Variants in ACYP2 observed in about 807,000 individuals in gnomAD.
ACYP2 encodes acylphosphatase-2.
ACYP2 carries 12 observed loss-of-function variants against 11.2 expected under a neutral mutation model. The ratio of observed to expected loss-of-function variants is 1.08; its 90% CI spans 0.69 to 1.74. The LOEUF (loss-of-function observed/expected upper bound fraction) is 1.74, where lower values mean the gene tolerates loss of function less well. Among genes scored for constraint, ACYP2 ranks in the 40% most tolerant of loss-of-function variants. The probability of loss-of-function intolerance (pLI) is 0.00; values close to 1 mark genes in which losing one functional copy is unlikely to be tolerated. For missense variants in ACYP2, 134 were observed against 101.9 expected (o/e 1.31, Z -1.35); for synonymous variants, 43 against 32.2 (o/e 1.33, Z -1.13).
chr2:54,194,930 G>A (rs1282815035), intron 6 of ACYP2, among the ~76,000 whole-genome samples: 1 of 152,136 alleles, frequency 6.6e-6, no homozygotes, highest in East Asian at 1.9e-4. Context: ...AGCTATTTTA[G>A]GATGTTGTGT....
intron 4 of ACYP2, among the ~76,000 whole-genome samples, chr2:54,088,774 G>C (rs970071986): frequency 1.3e-5 from 2 of 152,226 alleles, no homozygotes; most frequent in African/African-American, 4.8e-5. Flanking sequence ...TATGGAGTCT[G>C]CCAGAGTTTT....
At chr2:54,080,622 G>T (rs1677595653) in intron 4 of ACYP2, among the ~76,000 whole-genome samples, 1 of 152,044 alleles carries the variant, frequency 6.6e-6, no homozygotes, top group African/African-American at 2.4e-5. Flanking sequence ...CTGAGTAGCT[G>T]GGATTACAGG....
chr2:54,019,680 C>T (rs1177745439), intron 2 of ACYP2, among the ~76,000 whole-genome samples: 1 of 151,770 alleles, frequency 6.6e-6, no homozygotes, highest in Non-Finnish European at 1.5e-5. Flanking sequence ...AGTGCAGTGG[C>T]GTGATCTCAG....
chr2:54,242,938 C>T (rs1407246098), intron 6 of ACYP2, among the ~76,000 whole-genome samples: 1 of 152,156 alleles, frequency 6.6e-6, no homozygotes, highest in Non-Finnish European at 1.5e-5. Context: ...AAGTTAGCAC[C>T]CTTTAGCAAA....
chr2:54,143,725 C>T (rs369965887), intron 6 of ACYP2, among the ~76,000 whole-genome samples: 107 of 133,658 alleles, frequency 8.0e-4, no homozygotes, highest in African/African-American at 2.9e-3. Context: ...AGCCACCATA[C>T]CCAGCCGGTT....
chr2:54,049,617 C>T (rs1432477756), intron 2 of ACYP2, among the ~76,000 whole-genome samples: 1 of 152,166 alleles, frequency 6.6e-6, no homozygotes, highest in African/African-American at 2.4e-5. Flanking sequence ...TTTCCAAGGC[C>T]TTTGACAAAA....
intron 6 of ACYP2, among the ~76,000 whole-genome samples, chr2:54,185,758 C>T (rs1010724154): frequency 1.6e-4 from 25 of 152,036 alleles, no homozygotes; most frequent in African/African-American, 5.8e-4. Context: ...CAATCATATG[C>T]AGATTAAAGG....
intron 6 of ACYP2, among the ~76,000 whole-genome samples, chr2:54,300,495 C>T (rs1201012337): frequency 6.6e-6 from 1 of 152,180 alleles, no homozygotes; most frequent in African/African-American, 2.4e-5. Flanking sequence ...AAAGACCAGC[C>T]CTCTCACCTT....
At chr2:54,220,421 T>C (rs1489853326) in intron 6 of ACYP2, among the ~76,000 whole-genome samples, 1 of 152,176 alleles carries the variant, frequency 6.6e-6, no homozygotes. Context: ...AATGCAGTTA[T>C]GTTGACTGAA....
At chr2:54,262,593 A>AT (rs1192625292) in intron 6 of ACYP2, among the ~76,000 whole-genome samples, 1 of 152,012 alleles carries the variant, frequency 6.6e-6, no homozygotes, top group Admixed American at 6.6e-5. Flanking sequence ...TTTGGAGCAA[A>AT]TTTTTTCCAG....
At chr2:54,070,270 CAAAA>C (rs200624759) in intron 4 of ACYP2, among the ~76,000 whole-genome samples, 3 of 89,934 alleles carry the variant, frequency 3.3e-5, no homozygotes, top group Admixed American at 1.2e-4. Context: ...AAGTCCATCT[CAAAA>C]AAAAAAAAAA....
At chr2:54,277,070 C>T (rs954198731) in intron 6 of ACYP2, among the ~76,000 whole-genome samples, 1 of 152,174 alleles carries the variant, frequency 6.6e-6, no homozygotes, top group Non-Finnish European at 1.5e-5. Flanking sequence ...TTTCCTGTTA[C>T]GTACAATGCT....
intron 6 of ACYP2, chr2:54,267,275 A>G (rs1313360135): frequency 1.3e-6 from 2 of 1,546,816 alleles, no homozygotes; most frequent in Non-Finnish European, 1.7e-6. Flanking sequence ...GGAAATTCAG[A>G]ATTTCCATTT....
intron 2 of ACYP2, among the ~76,000 whole-genome samples, chr2:54,027,486 C>A (rs1436659008): frequency 2.0e-5 from 3 of 152,212 alleles, no homozygotes; most frequent in Non-Finnish European, 2.9e-5. Flanking sequence ...GTCTTCCAAT[C>A]ATACTTCAGA....
chr2:54,062,337 G>A (rs1188670719), intron 4 of ACYP2, among the ~76,000 whole-genome samples: 3 of 152,112 alleles, frequency 2.0e-5, no homozygotes, highest in South Asian at 2.1e-4. Flanking sequence ...TCATACACCT[G>A]TTTTTATCTG....
rs545903577 is a variant in ACYP2, at chr2:54,032,142, T to G, written c.63-18816T>G. 6.1e-4 allele frequency among the ~76,000 whole-genome samples: 93 copies of G among 152,336 alleles called. No homozygotes were observed. The Middle Eastern group carries it at 0.017, about 28-fold the overall frequency. ...GCTCTTTAGTTTAATTAGATCCCAT[T>G]TGTCTATTTTGGCTTTTGTTGCCAT... On this transcript the variant is annotated intron_variant, in intron 2 of 6. Transcript: ENST00000607452.
chr2:54,181,160 C>G (rs1683704020), intron 6 of ACYP2, among the ~76,000 whole-genome samples: 1 of 152,096 alleles, frequency 6.6e-6, no homozygotes. Flanking sequence ...GAAAAATTAC[C>G]CACTCTCATA....
At chr2:54,077,106 A>C (rs1313188264) in intron 4 of ACYP2, among the ~76,000 whole-genome samples, 1 of 152,220 alleles carries the variant, frequency 6.6e-6, no homozygotes, top group Non-Finnish European at 1.5e-5. Flanking sequence ...ATGCATTTAG[A>C]TTCTCTATCT....
intron 6 of ACYP2, among the ~76,000 whole-genome samples, chr2:54,175,643 G>T (rs937558234): frequency 6.6e-6 from 1 of 151,986 alleles, no homozygotes; most frequent in Non-Finnish European, 1.5e-5. Flanking sequence ...TGGGATTACA[G>T]GCATGAGCCA....
Sources: allele counts gnomAD v4.1 joint callset (sites outside exome capture counted in the v4.1 genomes callset), GRCh38; gene constraint gnomAD v4.1.1; transcripts MANE v1.5; gene names NCBI Gene and HGNC (gene_info 2026-07-23, HGNC 2026-07-21).